The following AP1S2 variants were observed in gnomAD, a reference collection of about 807,000 sequenced individuals.
AP1S2 encodes adaptor related protein complex 1 subunit sigma 2.
In AP1S2, 1 loss-of-function variant was observed where a neutral mutation model predicts 14.3. The ratio of observed to expected loss-of-function variants is 0.07; its 90% confidence interval spans 0.02 to 0.33. The LOEUF (loss-of-function observed/expected upper bound fraction) is 0.33. Ranked by LOEUF, AP1S2 falls within the 10% of genes least tolerant of loss-of-function variation. AP1S2 has a pLI of 0.99. For missense variants in AP1S2, 30 were observed against 117.7 expected, an observed-to-expected ratio of 0.25 and a Z score of 3.45; for synonymous variants, 30 against 40.5, an observed-to-expected ratio of 0.74 and a Z score of 0.99.
intron 4 of AP1S2, chrX:15,840,575 C>CA: frequency 1.0e-6 from 1 of 975,772 alleles, no homozygotes; most frequent in South Asian, 2.0e-5. Context: ...CAAACCTCCC[C>CA]ATTCTTCATT....
At chrX:15,828,374 T>A (rs1311717107) in intron 4 of AP1S2, among the ~76,000 whole-genome samples, 174 bp from the exon 5 acceptor site, 1 of 111,850 alleles carries the variant, frequency 8.9e-6, no homozygotes, top group Non-Finnish European at 1.9e-5. Context: ...CCTTCATATG[T>A]TGAGATTAAG....
chrX:15,831,485 A>G, intron 4 of AP1S2: 1 of 721,248 alleles, frequency 1.4e-6, no homozygotes, highest in Non-Finnish European at 1.7e-6. Context: ...TATGTATATC[A>G]GCATTCTATT....
At chrX:15,837,668 G>A (rs989370836) in intron 4 of AP1S2, among the ~76,000 whole-genome samples, 14 of 102,228 alleles carry the variant, frequency 1.4e-4, no homozygotes, top group East Asian at 3.1e-4. Flanking sequence ...GTGCAGTGGC[G>A]TTATCTCGCT....
chrX:15,829,192 T>G (rs1326865524), intron 4 of AP1S2, among the ~76,000 whole-genome samples: 4 of 111,685 alleles, frequency 3.6e-5, no homozygotes, highest in Non-Finnish European at 7.5e-5. Flanking sequence ...ATGATAAAGT[T>G]TTTTAAGAAA....
At chrX:15,831,327 T>C in intron 4 of AP1S2, 1 of 752,872 alleles carries the variant, frequency 1.3e-6, no homozygotes, top group East Asian at 1.5e-4. Context: ...GAATGAGCTG[T>C]ATCAAGATCA....
At chrX:15,840,394 C>A (rs1205688797) in intron 4 of AP1S2, 2 of 368,663 alleles carry the variant, frequency 5.4e-6, no homozygotes, top group East Asian at 1.1e-4. Flanking sequence ...ACTATTTGAT[C>A]TTCACGGATC....
Position 15,840,714 on chromosome X carries a change from C to T in AP1S2, c.426+4665G>A, listed in dbSNP as rs765231661. The T allele has an allele frequency of 1.3e-4, 41 of 311,823 alleles. No homozygotes were observed. In the South Asian group the frequency reaches 1.7e-3, roughly 13 times the overall value. 25.7% of individuals were successfully genotyped at this position (311,823 alleles called of 1,213,427 possible). On this transcript the variant is annotated intron_variant, in intron 4 of 5. Transcript: ENST00000672987. Reference sequence around the variant, plus strand: ...TAAATAAATCCAACTACATCACCACCCCCCACCATATCCCTCCAAAAATCT... The same window carrying T: ...TAAATAAATCCAACTACATCACCACTCCCCACCATATCCCTCCAAAAATCT...
intron 5 of AP1S2, 96 bp from the exon 6 acceptor site, chrX:15,827,468 C>A: frequency 1.2e-6 from 1 of 831,115 alleles, no homozygotes; most frequent in South Asian, 2.1e-5. Context: ...TTTAGAGAAT[C>A]AAGAAAGCAA....
chrX:15,840,894 A>G (rs1024264499), intron 4 of AP1S2, among the ~76,000 whole-genome samples: 3 of 112,332 alleles, frequency 2.7e-5, no homozygotes, highest in African/African-American at 9.7e-5. Flanking sequence ...TAACGGGCCA[A>G]TTTCTGGGCT....
rs1266139441 is a variant in AP1S2, at chrX:15,854,812, A to T, written c.-125T>A. 1.3e-6 allele frequency: 1 copy of T among 788,389 alleles called. No individual in the cohort carries two copies. Among genetic ancestry groups the T allele is most frequent in the African/African-American group, 2.3e-5 (1 of 44,361 alleles). 65.0% of individuals were successfully genotyped at this position (788,389 alleles called of 1,213,427 possible). ...GCTGTGGGGAGGACACCCGGCTGGC[A>T]TAGGGCAGGCTTAGGCGGAGAGGGG... On this transcript the variant is annotated 5_prime_UTR_variant, in exon 1 of 6. The change abolishes an upstream ATG in the 5' untranslated region. Coordinates refer to ENST00000672987, the MANE Select transcript of AP1S2 (RefSeq NM_001272071.2).
At chrX:15,841,286 TAAAAA>T (rs1349572496) in intron 4 of AP1S2, among the ~76,000 whole-genome samples, 1 of 109,668 alleles carries the variant, frequency 9.1e-6, no homozygotes, top group Non-Finnish European at 1.9e-5. Context: ...TTTCACAAAT[TAAAAA>T]AAAATCAAAA....
At chrX:15,843,928 A>C (rs1933919086) in intron 4 of AP1S2, among the ~76,000 whole-genome samples, 1 of 112,272 alleles carries the variant, frequency 8.9e-6, no homozygotes. Flanking sequence ...TTTCCAATCA[A>C]TTGGTAAACC....
chrX:15,834,913 G>A (rs773535000), intron 4 of AP1S2, among the ~76,000 whole-genome samples: 1 of 111,183 alleles, frequency 9.0e-6, no homozygotes, highest in African/African-American at 3.3e-5. Context: ...AGTGGGAAGT[G>A]TAGGATGACA....
chrX:15,827,308 TCAA>T lies in AP1S2; in HGVS notation c.*14_*16del. The stretch of plus-strand genomic sequence containing the variant: ...GTGTGTGAAATGCCACAAGAAGTCA[TCAA>T]CAAGGGAGGAGAGTTATGTCAGTCC... On this transcript the variant is annotated 3_prime_UTR_variant, in exon 6 of 6. Transcript: ENST00000672987. 2.5e-6 allele frequency: 3 copies of T among 1,196,369 alleles called. No homozygotes were observed. Among genetic ancestry groups the T allele is most frequent in the Middle Eastern group, 2.3e-4 (1 of 4,318 alleles).
In AP1S2 at chrX:15,852,190, C is replaced by T. The variant is rs909142817; in HGVS notation, c.179+156G>A. On this transcript the variant is annotated intron_variant, in intron 2 of 5. Coordinates refer to ENST00000672987, the MANE Select transcript of AP1S2 (RefSeq NM_001272071.2). The stretch of plus-strand genomic sequence containing the variant: ...CAGCCTCAGTAATTATCAATCAAAA[C>T]ACTAGTTATTTTAAAAACACAAAGC... Among the ~76,000 whole-genome samples, 16 of 112,464 alleles carry T rather than the reference C, an allele frequency of 1.4e-4. No individual in the cohort carries two copies. The Admixed American group carries it at 1.5e-3, about 11-fold the overall frequency.
chrX:15,854,369 C>A (rs1934270496), intron 1 of AP1S2, among the ~76,000 whole-genome samples: 1 of 112,174 alleles, frequency 8.9e-6, no homozygotes, highest in Non-Finnish European at 1.9e-5. Flanking sequence ...GCGCAGGGGG[C>A]GCCAAGAGTC....
chrX:15,842,557 A>G (rs1933868094), intron 4 of AP1S2, among the ~76,000 whole-genome samples: 2 of 112,640 alleles, frequency 1.8e-5, no homozygotes, highest in South Asian at 3.7e-4. Context: ...AAGCAATGTA[A>G]AAGTAGTCAT....
chrX:15,841,745 CTT>C (rs1305844912), intron 4 of AP1S2, among the ~76,000 whole-genome samples: 3 of 112,232 alleles, frequency 2.7e-5, no homozygotes, highest in Non-Finnish European at 5.6e-5. Flanking sequence ...GAAATCTACT[CTT>C]TTCCACACAG....
intron 4 of AP1S2, chrX:15,830,263 G>A (rs1430509349): frequency 1.3e-6 from 1 of 744,581 alleles, no homozygotes; most frequent in Non-Finnish European, 1.6e-6. Context: ...GCAGGAGGAG[G>A]AAAGGAGGGG....
Sources: allele counts gnomAD v4.1 joint callset (sites outside exome capture counted in the v4.1 genomes callset), GRCh38; gene constraint gnomAD v4.1.1; transcripts MANE v1.5; gene names NCBI Gene and HGNC (gene_info 2026-07-23, HGNC 2026-07-21).